Variants in LRRC3B observed in about 807,000 individuals in gnomAD.
LRRC3B encodes the protein leucine rich repeat containing 3B, also known as leucine-rich repeat-containing protein 3B.
Under a neutral mutation model 12.8 loss-of-function variants are expected in LRRC3B, and 2 were observed. The ratio of observed to expected loss-of-function variants is 0.16; its 90% CI spans 0.06 to 0.49. The LOEUF is 0.49. Ranked by LOEUF, LRRC3B falls within the 20% of genes least tolerant of loss-of-function variation. The probability of loss-of-function intolerance (pLI) is 0.96; values close to 1 mark genes in which losing one functional copy is unlikely to be tolerated. For missense variants in LRRC3B, 189 were observed against 319.4 expected (o/e 0.59, Z 3.11); for synonymous variants, 132 against 122.0 (o/e 1.08, Z -0.54).
At chr3:26,638,546 A>G (rs1212077960) in intron 1 of LRRC3B, among the ~76,000 whole-genome samples, 1 of 152,242 alleles carries the variant, frequency 6.6e-6, no homozygotes, top group Non-Finnish European at 1.5e-5. Context: ...TGATGTGGAA[A>G]ATAACAACTA....
At chr3:26,645,066 A>G (rs975836836) in intron 1 of LRRC3B, among the ~76,000 whole-genome samples, 5 of 152,208 alleles carry the variant, frequency 3.3e-5, no homozygotes, top group Non-Finnish European at 7.4e-5. Context: ...AGCAAACATG[A>G]CAGAATATTA....
intron 1 of LRRC3B, among the ~76,000 whole-genome samples, chr3:26,636,709 G>C (rs1311997390): frequency 3.3e-5 from 5 of 151,934 alleles, no homozygotes; most frequent in Non-Finnish European, 7.4e-5. Context: ...GAAAAATATG[G>C]GCCTCCAATA....
chr3:26,635,317 A>G (rs1398735120), intron 1 of LRRC3B, among the ~76,000 whole-genome samples: 1 of 152,148 alleles, frequency 6.6e-6, no homozygotes, highest in Non-Finnish European at 1.5e-5. Context: ...AACTAATATT[A>G]TAGATGAAAT....
intron 1 of LRRC3B, among the ~76,000 whole-genome samples, chr3:26,653,960 AT>A (rs112562608): frequency 0.14 from 21,892 of 151,582 alleles, 1,683 homozygotes; most frequent in South Asian, 0.22. Context: ...CCAGATGGCT[AT>A]TTTTTTTTCC....
At chr3:26,678,013 C>T (rs548828391) in intron 1 of LRRC3B, among the ~76,000 whole-genome samples, 1 of 152,104 alleles carries the variant, frequency 6.6e-6, no homozygotes, top group African/African-American at 2.4e-5. Flanking sequence ...GACGAGATCT[C>T]GCCATGTTGC....
At chr3:26,664,447 T>C (rs1016491800) in intron 1 of LRRC3B, among the ~76,000 whole-genome samples, 1 of 152,140 alleles carries the variant, frequency 6.6e-6, no homozygotes, top group East Asian at 1.9e-4. Context: ...CAGCCTCTAG[T>C]GCCATGTGTG....
At chr3:26,632,383 G>C (rs1486664725) in intron 1 of LRRC3B, among the ~76,000 whole-genome samples, 1 of 152,096 alleles carries the variant, frequency 6.6e-6, no homozygotes, top group Non-Finnish European at 1.5e-5. Context: ...TTTAGCAATG[G>C]GCAGGTCTAT....
intron 1 of LRRC3B, among the ~76,000 whole-genome samples, chr3:26,634,685 G>A (rs776463628): frequency 6.6e-6 from 1 of 152,206 alleles, no homozygotes; most frequent in Admixed American, 6.5e-5. Context: ...ACTTGCATTT[G>A]CGTAATTTCC....
At chr3:26,707,531 C>T (rs1700629200) in intron 1 of LRRC3B, among the ~76,000 whole-genome samples, 1 of 152,132 alleles carries the variant, frequency 6.6e-6, no homozygotes, top group East Asian at 1.9e-4. Flanking sequence ...ATGCCAAACT[C>T]CTTTAATGAA....
At chr3:26,682,427 C>T (rs1438774245) in intron 1 of LRRC3B, among the ~76,000 whole-genome samples, 2 of 152,152 alleles carry the variant, frequency 1.3e-5, no homozygotes, top group East Asian at 1.9e-4. Context: ...AACTTTCATG[C>T]GTATATACAT....
At chr3:26,696,322 A>G (rs1700316069) in intron 1 of LRRC3B, among the ~76,000 whole-genome samples, 1 of 152,146 alleles carries the variant, frequency 6.6e-6, no homozygotes, top group Non-Finnish European at 1.5e-5. Context: ...GCATTTTTTT[A>G]TTTTTTAAAG....
chr3:26,677,037 G>A (rs182287748), intron 1 of LRRC3B, among the ~76,000 whole-genome samples: 1 of 152,040 alleles, frequency 6.6e-6, no homozygotes, highest in African/African-American at 2.4e-5. Context: ...CTAGTCTAGG[G>A]GTCAAGAGCA....
intron 1 of LRRC3B, among the ~76,000 whole-genome samples, chr3:26,640,476 C>T (rs1010309943): frequency 2.7e-5 from 4 of 146,620 alleles, no homozygotes; most frequent in East Asian, 4.3e-4. Flanking sequence ...CAAATGAAAA[C>T]GCTGCTTTAT....
In LRRC3B at chr3:26,708,152, C is replaced by G. The variant is rs145981587; in HGVS notation, c.-160-1361C>G. Among the ~76,000 whole-genome samples, 189 of 152,268 alleles carry G rather than the reference C, an allele frequency of 1.2e-3. 1 individual carries two copies. The highest frequency in any genetic ancestry group is 0.01 in the Middle Eastern group (3 of 294). Reference sequence around the variant, plus strand: ...CAAGTTTTCAGAAAGTCATTAGTTGCTCATGCAGAAAGTTGTTTGTTGTCC... The same window carrying G: ...CAAGTTTTCAGAAAGTCATTAGTTGGTCATGCAGAAAGTTGTTTGTTGTCC... On this transcript the variant is annotated intron_variant, in intron 1 of 1. Transcript: ENST00000396641.
At chr3:26,629,660 T>G (rs1334788929) in intron 1 of LRRC3B, among the ~76,000 whole-genome samples, 1 of 152,202 alleles carries the variant, frequency 6.6e-6, no homozygotes, top group Non-Finnish European at 1.5e-5. Flanking sequence ...TTTCCACAAT[T>G]ATATTTAAGC....
At chr3:26,640,648 A>G (rs924921699) in intron 1 of LRRC3B, among the ~76,000 whole-genome samples, 5 of 152,182 alleles carry the variant, frequency 3.3e-5, no homozygotes, top group African/African-American at 1.2e-4. Context: ...GGTATAGATC[A>G]TGAGATCCTG....
At chr3:26,659,891 T>C (rs1374248315) in intron 1 of LRRC3B, among the ~76,000 whole-genome samples, 1 of 152,202 alleles carries the variant, frequency 6.6e-6, no homozygotes, top group Admixed American at 6.5e-5. Flanking sequence ...ATTTAGCTCT[T>C]TCTTTTGGAA....
intron 1 of LRRC3B, among the ~76,000 whole-genome samples, chr3:26,638,473 A>G (rs1698950463): frequency 6.6e-6 from 1 of 152,196 alleles, no homozygotes; most frequent in Non-Finnish European, 1.5e-5. Context: ...CCATGGCCTC[A>G]TCATGGACCT....
intron 1 of LRRC3B, among the ~76,000 whole-genome samples, chr3:26,655,740 G>GCT (rs1296132564): frequency 6.6e-6 from 1 of 152,022 alleles, no homozygotes; most frequent in Admixed American, 6.6e-5. Context: ...ACTGTGTCAT[G>GCT]GTGACAGAAA....
Sources: allele counts gnomAD v4.1 joint callset (sites outside exome capture counted in the v4.1 genomes callset), GRCh38; gene constraint gnomAD v4.1.1; transcripts MANE v1.5; gene names NCBI Gene and HGNC (gene_info 2026-07-23, HGNC 2026-07-21).